The following SLC13A3 variants were observed in gnomAD, a reference collection of about 807,000 sequenced individuals.
SLC13A3 encodes Na(+)/dicarboxylate cotransporter 3.
In SLC13A3, 40 loss-of-function variants were observed where a neutral mutation model predicts 59.0. That is an observed-to-expected ratio of 0.68 (90% CI 0.53 to 0.88). The LOEUF is 0.88. Among genes scored for constraint, SLC13A3 ranks in the 40% least tolerant of loss-of-function variants. The pLI is 0.00. For synonymous variants in SLC13A3, 317 were observed against 330.3 expected (o/e 0.96, Z 0.44); for missense variants, 699 against 783.2 (o/e 0.89, Z 1.28).
chr20:46,592,217 C>T lies in SLC13A3; in HGVS notation c.920+187G>A, dbSNP rs847091. ...GCAGAGCAAGACCCTGTCTGTAAAA[C>T]TAAATGCATACATACATACATACAT... is the stretch of plus-strand genomic sequence containing the variant. On this transcript the variant is annotated intron_variant, in intron 6 of 12. Coordinates refer to ENST00000279027, the MANE Select transcript of SLC13A3 (RefSeq NM_022829.6). Among the ~76,000 whole-genome samples the T allele has an allele frequency of 3.3e-3, 478 of 144,724 alleles. 8 individuals carry two copies. The highest frequency in any genetic ancestry group is 0.013 in the African/African-American group (464 of 36,314). The allele number at this position is 144,724 out of a possible 152,430, so 94.9% of individuals were successfully genotyped here.
At chr20:46,632,220 T>C (rs2062746262) in intron 1 of SLC13A3, among the ~76,000 whole-genome samples, 1 of 152,092 alleles carries the variant, frequency 6.6e-6, no homozygotes, top group Non-Finnish European at 1.5e-5. Context: ...AGTGCTGAAC[T>C]TTGCACTCCA....
chr20:46,625,704 T>C (rs8114393), intron 1 of SLC13A3, among the ~76,000 whole-genome samples: 9,930 of 152,294 alleles, frequency 0.065, 349 homozygotes, highest in Admixed American at 0.095. Context: ...AATGGAATCA[T>C]ACAGGATGTA....
chr20:46,613,493 T>C lies in SLC13A3; in HGVS notation c.344A>G (p.Lys115Arg). The C allele has an allele frequency of 6.2e-7, 1 of 1,607,664 alleles. No individual in the cohort carries two copies. The change falls in exon 2 of 13, where the codon AAG becomes AGG. Residue 115 changes from lysine to arginine, a missense_variant. Transcript: ENST00000279027. ...CTGGACTCCAACAAGCATCAGGATC[T>C]TGAGGGCGATTCGCCGGTGCAGGTT... ...EWNLHRRIAL[K>R]ILMLVGVQPA...
chr20:46,585,055 G>T (rs778539518), intron 8 of SLC13A3: 13 of 773,478 alleles, frequency 1.7e-5, no homozygotes, highest in Admixed American at 6.3e-5. Flanking sequence ...TAAGGAATTG[G>T]TTAAATAAAT....
rs371529499 is a variant in SLC13A3 at position 46,574,863 on chromosome 20, G to A, written c.1332+710C>T. 1.5e-4 allele frequency among the ~76,000 whole-genome samples: 22 copies of A among 145,246 alleles called. No homozygotes were observed. The East Asian group carries it at 3.4e-3, about 23-fold the overall frequency. On this transcript the variant is annotated intron_variant, in intron 10 of 12. Coordinates refer to ENST00000279027, the MANE Select transcript of SLC13A3 (RefSeq NM_022829.6). The stretch of plus-strand genomic sequence containing the variant: ...TCTTTTTTTTTTTTCTTAGAGATGA[G>A]GTCTCGCTCTGTCACCCAGGCTGGA...
intron 1 of SLC13A3, among the ~76,000 whole-genome samples, chr20:46,640,081 T>C (rs1487024082): frequency 2.0e-5 from 3 of 152,206 alleles, no homozygotes; most frequent in East Asian, 3.8e-4. Context: ...CTTAGAACCA[T>C]GCCTGGCACT....
At chr20:46,599,406 T>G (rs1181248868) in intron 4 of SLC13A3, among the ~76,000 whole-genome samples, 1 of 152,258 alleles carries the variant, frequency 6.6e-6, no homozygotes, top group African/African-American at 2.4e-5. Context: ...CTGCTCTGTC[T>G]ACATTATCTC....
chr20:46,652,004 G>A (rs1030212709), upstream of SLC13A3, among the ~76,000 whole-genome samples: 1 of 152,196 alleles, frequency 6.6e-6, no homozygotes, highest in Admixed American at 6.5e-5. Context: ...ACCAAATGCC[G>A]CATGTTTTCA....
At chr20:46,679,855 C>A (rs1444981673) in intron 1 of SLC13A3, among the ~76,000 whole-genome samples, 1 of 151,470 alleles carries the variant, frequency 6.6e-6, no homozygotes, top group Non-Finnish European at 1.5e-5. Flanking sequence ...TTGTGATGAG[C>A]CGAAATCACA....
rs954657302 is a variant in SLC13A3 at position 46,683,458 on chromosome 20, G to A, written c.-31+938C>T. 2.6e-5 allele frequency among the ~76,000 whole-genome samples: 4 copies of A among 152,052 alleles called. 1 individual carries two copies. Among genetic ancestry groups the A allele is most frequent in the Admixed American group, 6.6e-5 (1 of 15,262 alleles). On this transcript the variant is annotated intron_variant, in intron 1 of 6. Coordinates refer to the SLC13A3 transcript ENST00000372121. Reference sequence around the variant, plus strand: ...ATGGCACAGCTCAGGCAGAGAACTCGCCTGCATAATAAAAGACTGGGGTGG... The same window carrying A: ...ATGGCACAGCTCAGGCAGAGAACTCACCTGCATAATAAAAGACTGGGGTGG...
intron 3 of SLC13A3, among the ~76,000 whole-genome samples, chr20:46,610,067 T>C (rs2062478682): frequency 6.6e-6 from 1 of 152,230 alleles, no homozygotes; most frequent in Admixed American, 6.5e-5. Context: ...CCTGTCTCAT[T>C]GATTAAAATG....
intron 10 of SLC13A3, among the ~76,000 whole-genome samples, chr20:46,571,561 T>C (rs371340395): frequency 1.3e-5 from 2 of 152,136 alleles, no homozygotes; most frequent in African/African-American, 4.8e-5. Context: ...AACAATGATG[T>C]GTTAAGCACC....
intron 6 of SLC13A3, 49 bp downstream of exon 6, chr20:46,592,355 G>A (rs760715778): frequency 2.0e-5 from 32 of 1,607,118 alleles, no homozygotes; most frequent in South Asian, 1.7e-4. Context: ...GGTTAGAAAC[G>A]CCATTCCCTG....
chr20:46,651,249 G>T, intron 1 of SLC13A3, 62 bp downstream of exon 1: 2 of 1,420,856 alleles, frequency 1.4e-6, no homozygotes, highest in Non-Finnish European at 1.8e-6. Context: ...CAACTTGGAG[G>T]CTTGGGAGAA....
intron 1 of SLC13A3, among the ~76,000 whole-genome samples, chr20:46,657,064 A>G (rs1361244976): frequency 2.0e-5 from 3 of 152,102 alleles, no homozygotes; most frequent in Non-Finnish European, 2.9e-5. Flanking sequence ...TAAGCATCAA[A>G]AGTCAGTTTG....
At chr20:46,573,274 C>T (rs1271675781) in intron 10 of SLC13A3, among the ~76,000 whole-genome samples, 1 of 152,114 alleles carries the variant, frequency 6.6e-6, no homozygotes, top group Non-Finnish European at 1.5e-5. Flanking sequence ...TGTCTCAGAC[C>T]CCAAAAGCGG....
intron 8 of SLC13A3, chr20:46,585,733 C>T (rs2062184393): frequency 7.7e-7 from 1 of 1,296,182 alleles, no homozygotes; most frequent in Non-Finnish European, 1.0e-6. Flanking sequence ...CTTATAATGC[C>T]CATTTTGCAT....
Position 46,662,631 on chromosome 20 carries a change from T to C in SLC13A3, c.-31+7412A>G, listed in dbSNP as rs188444295. Among the ~76,000 whole-genome samples the C allele has an allele frequency of 2.0e-5, 3 of 152,342 alleles. No individual in the cohort carries two copies. The East Asian group carries it at 5.8e-4, about 29-fold the overall frequency. ...CACACTGCTCAAACACTCTGGATCA[T>C]TCAAGATGAACCTGAATCATCTTGA... On this transcript the variant is annotated intron_variant, in intron 1 of 12. Coordinates refer to the SLC13A3 transcript ENST00000290317.
Position 46,613,428 on chromosome 20 carries a change from G to A in SLC13A3, c.377+32C>T, listed in dbSNP as rs754405591. On this transcript the variant is annotated intron_variant, in intron 2 of 12. Coordinates refer to ENST00000279027, the MANE Select transcript of SLC13A3 (RefSeq NM_022829.6). Reference sequence around the variant, plus strand: ...AGAGGTGTGGTCCCTCTGCCTCTCCGCTGTAGGGCTGGAACCATTACCTGT... The same window carrying A: ...AGAGGTGTGGTCCCTCTGCCTCTCCACTGTAGGGCTGGAACCATTACCTGT... The A allele has an allele frequency of 2.7e-5, 41 of 1,534,134 alleles. No individual in the cohort carries two copies. The South Asian group carries it at 3.7e-4, about 14-fold the overall frequency.
Sources: allele counts gnomAD v4.1 joint callset (sites outside exome capture counted in the v4.1 genomes callset), GRCh38; gene constraint gnomAD v4.1.1; transcripts MANE v1.5; gene names NCBI Gene and HGNC (gene_info 2026-07-23, HGNC 2026-07-21).